GPR158: variants seen among roughly 807,000 people sequenced by gnomAD.
GPR158 encodes the protein metabotropic glycine receptor.
Under a neutral mutation model 78.2 loss-of-function variants are expected in GPR158, and 30 were observed. The observed-to-expected ratio is 0.38, with a 90% CI of 0.29 to 0.52. GPR158 has a LOEUF of 0.52. Among genes scored for constraint, GPR158 ranks in the 20% least tolerant of loss-of-function variants. The pLI is 0.83. For missense variants in GPR158, 1,463 were observed against 1,523.5 expected (o/e 0.96, Z 0.66); for synonymous variants, 581 against 591.1 (o/e 0.98, Z 0.25).
At chr10:25,389,933 G>A (rs143395884) in intron 2 of GPR158, among the ~76,000 whole-genome samples, 68 of 152,176 alleles carry the variant, frequency 4.5e-4, no homozygotes, top group Admixed American at 9.8e-4. Flanking sequence ...GGACCTGGTG[G>A]GAGGTAATTG....
chr10:25,343,220 G>T (rs1469058165), intron 2 of GPR158, among the ~76,000 whole-genome samples: 1 of 151,954 alleles, frequency 6.6e-6, no homozygotes, highest in Non-Finnish European at 1.5e-5. Context: ...AATGTTCAGG[G>T]ATTTTCAGAG....
chr10:25,526,718 C>T (rs72788208), intron 5 of GPR158, among the ~76,000 whole-genome samples: 1,575 of 152,316 alleles, frequency 0.01, 14 homozygotes, highest in Non-Finnish European at 0.016. Flanking sequence ...TTGCAGCCCA[C>T]TGGATGGCAG....
At chr10:25,195,889 T>C (rs1054409377) in intron 1 of GPR158, among the ~76,000 whole-genome samples, 5 of 152,350 alleles carry the variant, frequency 3.3e-5, no homozygotes, top group South Asian at 2.1e-4. Flanking sequence ...CACATTGTTA[T>C]ATTGTTTTTA....
chr10:25,319,948 T>C (rs1854922302), intron 2 of GPR158, among the ~76,000 whole-genome samples: 1 of 152,096 alleles, frequency 6.6e-6, no homozygotes. Context: ...TGGGCCTAAC[T>C]TGAACTTTGG....
intron 4 of GPR158, among the ~76,000 whole-genome samples, chr10:25,436,841 G>A (rs1835003688): frequency 2.0e-5 from 3 of 152,146 alleles, no homozygotes; most frequent in Admixed American, 2.0e-4. Flanking sequence ...AAAAAATTCT[G>A]AGCTCTTTCA....
intron 1 of GPR158, among the ~76,000 whole-genome samples, chr10:25,195,200 T>C (rs1852827670): frequency 6.6e-6 from 1 of 151,674 alleles, no homozygotes; most frequent in Non-Finnish European, 1.5e-5. Context: ...ATCAACTTTT[T>C]CTTTCTTTCT....
At chr10:25,552,921 G>A (rs1836746015) in intron 6 of GPR158, among the ~76,000 whole-genome samples, 1 of 152,166 alleles carries the variant, frequency 6.6e-6, no homozygotes, top group African/African-American at 2.4e-5. Context: ...ATTATTTTCA[G>A]CAGAAAGATT....
At chr10:25,291,274 A>G (rs182226772) in intron 2 of GPR158, among the ~76,000 whole-genome samples, 2 of 152,098 alleles carry the variant, frequency 1.3e-5, no homozygotes, top group South Asian at 2.1e-4. Flanking sequence ...AATATAAAAA[A>G]TATGTCATTA....
intron 4 of GPR158, among the ~76,000 whole-genome samples, chr10:25,416,066 C>A (rs538390167): frequency 2.6e-4 from 40 of 152,054 alleles, no homozygotes; most frequent in Non-Finnish European, 4.7e-4. Flanking sequence ...TAATACTTAC[C>A]TTCTGGGATT....
At chr10:25,213,458 T>C (rs1291327979) in intron 1 of GPR158, among the ~76,000 whole-genome samples, 1 of 152,218 alleles carries the variant, frequency 6.6e-6, no homozygotes, top group Non-Finnish European at 1.5e-5. Context: ...CTTTTCATTC[T>C]GATATATATT....
Position 25,241,176 on chromosome 10 carries a change from T to TC in GPR158, c.1008+20020dup, listed in dbSNP as rs374769189. On this transcript the variant is annotated intron_variant, in intron 2 of 10. Transcript: ENST00000376351. The stretch of plus-strand genomic sequence containing the variant: ...TTCTTTCTTTCTTTCTTTCTTTCTT[T>TC]CTTTCTTTCTTTCCTTTCTTTCTTT... Among the ~76,000 whole-genome samples the TC allele has an allele frequency of 3.8e-3, 362 of 96,282 alleles. 2 individuals carry two copies. The highest frequency in any genetic ancestry group is 0.013 in the African/African-American group (295 of 22,522). The allele number at this position is 96,282 out of a possible 152,430, so 63.2% of individuals were successfully genotyped here. A position where few individuals can be genotyped will look rare whatever the true frequency, so the allele number is the denominator to read the frequency against.
intron 4 of GPR158, among the ~76,000 whole-genome samples, chr10:25,463,804 C>T (rs16925905): frequency 9.5e-4 from 144 of 151,944 alleles, no homozygotes; most frequent in African/African-American, 3.4e-3. Flanking sequence ...TTGCTTTGAA[C>T]TTGTCAATGT....
chr10:25,289,913 G>A (rs931452721), intron 2 of GPR158, among the ~76,000 whole-genome samples: 10 of 152,056 alleles, frequency 6.6e-5, no homozygotes, highest in African/African-American at 9.7e-5. Context: ...AATAAGATAC[G>A]GAGATACAAT....
At chr10:25,589,379 A>G (rs34178991) in intron 8 of GPR158, among the ~76,000 whole-genome samples, 8,359 of 152,200 alleles carry the variant, frequency 0.055, 258 homozygotes, top group Admixed American at 0.086. Flanking sequence ...GGTTAATTCA[A>G]TGTTATTGTA....
chr10:25,453,132 G>C lies in GPR158; in HGVS notation c.1336-13519G>C, dbSNP rs189228371. On this transcript the variant is annotated intron_variant, in intron 4 of 10. Coordinates refer to ENST00000376351, the MANE Select transcript of GPR158 (RefSeq NM_020752.3). ...TTCTATATCCATGTATCCGTGGATA[G>C]ACTCTAAGGCTGATTTCATATCTTG... Among the ~76,000 whole-genome samples, 303 of 152,286 alleles carry C rather than the reference G, an allele frequency of 2.0e-3. 5 individuals carry two copies. Among genetic ancestry groups the C allele is most frequent in the Admixed American group, 0.019 (286 of 15,288 alleles).
intron 4 of GPR158, among the ~76,000 whole-genome samples, chr10:25,424,766 A>T (rs1206862522): frequency 6.6e-6 from 1 of 152,120 alleles, no homozygotes; most frequent in African/African-American, 2.4e-5. Context: ...TACCAGTACC[A>T]TGCTGTTTTG....
intron 2 of GPR158, among the ~76,000 whole-genome samples, chr10:25,391,961 A>C (rs1195809249): frequency 2.0e-5 from 3 of 152,168 alleles, no homozygotes; most frequent in Admixed American, 6.5e-5. Flanking sequence ...AAAGTGAATA[A>C]GTCTCACGAG....
At chr10:25,429,592 A>G (rs1382113606) in intron 4 of GPR158, among the ~76,000 whole-genome samples, 1 of 152,130 alleles carries the variant, frequency 6.6e-6, no homozygotes, top group Non-Finnish European at 1.5e-5. Flanking sequence ...ATGCAAGAAC[A>G]TTGATGCAAA....
chr10:25,558,876 G>A (rs993794361), intron 6 of GPR158, among the ~76,000 whole-genome samples: 5 of 152,018 alleles, frequency 3.3e-5, no homozygotes, highest in African/African-American at 4.8e-5. Flanking sequence ...ACTTCAATCC[G>A]CTTACATTTA....
Sources: gnomAD v4.1 joint callset for allele counts (sites outside exome capture counted in the v4.1 genomes callset) on GRCh38, gnomAD v4.1.1 for gene constraint, MANE v1.5 for transcripts, NCBI Gene and HGNC (gene_info 2026-07-23, HGNC 2026-07-21) for gene names.